The following CLEC2D variants were observed in gnomAD, a reference collection of about 807,000 sequenced individuals.
The protein encoded by CLEC2D is C-type lectin related f.
Under a neutral mutation model 20.0 loss-of-function variants are expected in CLEC2D, and 16 were observed. That is an observed-to-expected ratio of 0.80 (90% CI 0.54 to 1.22). The LOEUF (loss-of-function observed/expected upper bound fraction) is 1.22. Ranked by LOEUF, CLEC2D falls within the 50% of genes most tolerant of loss-of-function variation. CLEC2D has a pLI of 0.00. For synonymous variants in CLEC2D, 77 were observed against 71.1 expected (o/e 1.08, Z -0.42); for missense variants, 207 against 221.5 (o/e 0.93, Z 0.42).
intron 1 of CLEC2D, among the ~76,000 whole-genome samples, chr12:9,670,373 A>G (rs973950702): frequency 1.3e-5 from 2 of 152,190 alleles, no homozygotes; most frequent in Non-Finnish European, 2.9e-5. Flanking sequence ...ATAACTTAGG[A>G]CTTAAAAGTT....
chr12:9,693,168 A>G, intron 4 of CLEC2D: 1 of 1,286,070 alleles, frequency 7.8e-7, no homozygotes, highest in Non-Finnish European at 1.1e-6. Flanking sequence ...GTCATTTTCA[A>G]ACACTTTCAT....
rs925054806 is a variant in CLEC2D, at chr12:9,680,978, T to C, written c.117T>C (p.Phe39=). The C allele has an allele frequency of 6.2e-7, 1 of 1,606,920 alleles. No individual in the cohort carries two copies. Among genetic ancestry groups the C allele is most frequent in the Non-Finnish European group, 8.5e-7 (1 of 1,174,616 alleles). Residue 39 remains phenylalanine (F), a synonymous_variant, in exon 2 of 5, where the codon TTT becomes TTC. Coordinates refer to ENST00000290855, the MANE Select transcript of CLEC2D (RefSeq NM_013269.6). ...AAGCTACCTTAATTTGGCGCTTATT[T>C]TTCTTAATCATGTTTCTGACAATCA... ...SIKATLIWRL[F]FLIMFLTIIV...
At chr12:9,690,995 A>ACAAGACT (rs1449312635) in intron 3 of CLEC2D, among the ~76,000 whole-genome samples, 1 of 152,086 alleles carries the variant, frequency 6.6e-6, no homozygotes, top group Non-Finnish European at 1.5e-5. Flanking sequence ...AAAAAGAAAA[A>ACAAGACT]CAAGACTCAT....
In CLEC2D at chr12:9,695,639, C is replaced by T. The variant is rs1327534843; in HGVS notation, c.*765C>T. On this transcript the variant is annotated 3_prime_UTR_variant, in exon 5 of 5. Transcript: ENST00000290855. ...ACTTTGAAAATGTCTGTACAGCCAA[C>T]GGTTTCTCTTGGGGGCTTTGAAATA... 2.2e-5 allele frequency: 34 copies of T among 1,571,586 alleles called. No homozygotes were observed. Among genetic ancestry groups the T allele is most frequent in the Admixed American group, 5.0e-5 (3 of 59,788 alleles).
intron 2 of CLEC2D, among the ~76,000 whole-genome samples, chr12:9,683,987 T>C (rs775321535): frequency 6.6e-6 from 1 of 152,222 alleles, no homozygotes; most frequent in Non-Finnish European, 1.5e-5. Flanking sequence ...TTTCATAATA[T>C]TGATTCTTCC....
At chr12:9,670,338 C>T (rs1865389830) in intron 1 of CLEC2D, among the ~76,000 whole-genome samples, 1 of 151,964 alleles carries the variant, frequency 6.6e-6, no homozygotes, top group Admixed American at 6.6e-5. Context: ...TGACTTTTGC[C>T]ACAGTTAGGG....
At position 9,697,071 on chromosome 12, in the gene CLEC2D, C is replaced by T. The variant is rs1010678719; in HGVS notation, c.*2197C>T. ...TATATATAAAAAATAGAATATTATTCAGCCTTGTAAAAAGAAATCCTGTTA... is the reference window on the plus strand; with the variant it reads ...TATATATAAAAAATAGAATATTATTTAGCCTTGTAAAAAGAAATCCTGTTA... On this transcript the variant is annotated 3_prime_UTR_variant, in exon 5 of 5. Transcript: ENST00000290855. The T allele has an allele frequency of 6.6e-6, 1 of 151,730 alleles. No homozygotes were observed. Among genetic ancestry groups the T allele is most frequent in the African/African-American group, 2.4e-5 (1 of 41,276 alleles). The allele number at this position is 151,730 out of a possible 1,614,324, so 9.4% of individuals were successfully genotyped here.
intron 2 of CLEC2D, among the ~76,000 whole-genome samples, chr12:9,685,898 G>A (rs1355977540): frequency 6.6e-6 from 1 of 152,094 alleles, no homozygotes; most frequent in East Asian, 1.9e-4. Context: ...CTCCACTGGG[G>A]TATGAAAAAA....
At chr12:9,686,054 T>C (rs1865741433) in intron 2 of CLEC2D, among the ~76,000 whole-genome samples, 1 of 151,924 alleles carries the variant, frequency 6.6e-6, no homozygotes, top group South Asian at 2.1e-4. Context: ...CTGGGCCAGA[T>C]AGCACCTCAC....
At chr12:9,681,059 TC>T (rs1865625857) in intron 2 of CLEC2D, 26 bp downstream of exon 2, 1 of 1,148,414 alleles carries the variant, frequency 8.7e-7, no homozygotes, top group Non-Finnish European at 1.3e-6. Context: ...TCTTTATTCA[TC>T]TAGAGAGAAT....
intron 1 of CLEC2D, among the ~76,000 whole-genome samples, chr12:9,676,959 G>A (rs1865529610): frequency 6.6e-6 from 1 of 151,932 alleles, no homozygotes; most frequent in Non-Finnish European, 1.5e-5. Context: ...GGGATCTGTA[G>A]TAACAACTCC....
At chr12:9,672,194 G>A (rs1341165213) in intron 1 of CLEC2D, among the ~76,000 whole-genome samples, 6 of 152,016 alleles carry the variant, frequency 3.9e-5, no homozygotes, top group Non-Finnish European at 7.4e-5. Context: ...AGAGCAAGAG[G>A]CACCAAACTT....
chr12:9,687,951 A>G lies in CLEC2D; in HGVS notation c.222A>G (p.Ala74=). 1 of 1,611,532 alleles carries G rather than the reference A, an allele frequency of 6.2e-7. No individual in the cohort carries two copies. Among genetic ancestry groups the G allele is most frequent in the Non-Finnish European group, 8.5e-7 (1 of 1,178,716 alleles). ...HQEPSVCLQA[A]CPESWIGFQR... ...AGCCATCAGTATGTCTTCAAGCTGCATGCCCAGAAAGCTGGATTGGTTTTC... is the reference window on the plus strand; with the variant it reads ...AGCCATCAGTATGTCTTCAAGCTGCGTGCCCAGAAAGCTGGATTGGTTTTC... Residue 74 remains alanine (A), a synonymous_variant, in exon 3 of 5, where the codon GCA becomes GCG. Transcript: ENST00000290855.
chr12:9,689,436 A>G (rs1865819142), intron 3 of CLEC2D, among the ~76,000 whole-genome samples: 1 of 152,326 alleles, frequency 6.6e-6, no homozygotes, highest in South Asian at 2.1e-4. Flanking sequence ...TTCTCAAAAA[A>G]AAATTACAAA....
At chr12:9,682,444 G>A (rs896456820) in intron 2 of CLEC2D, among the ~76,000 whole-genome samples, 1 of 151,958 alleles carries the variant, frequency 6.6e-6, no homozygotes, top group Non-Finnish European at 1.5e-5. Flanking sequence ...AGGTATACAC[G>A]TGCCATGGTG....
chr12:9,677,056 T>A (rs966430650), intron 1 of CLEC2D, among the ~76,000 whole-genome samples: 2 of 147,396 alleles, frequency 1.4e-5, no homozygotes, highest in African/African-American at 5.0e-5. Flanking sequence ...TTTTTTTTTT[T>A]AATCTTTCAA....
In CLEC2D at chr12:9,680,970, C is replaced by G. The variant is rs769100213; in HGVS notation, c.109C>G (p.Arg37Gly). 2 of 1,607,142 alleles carry G rather than the reference C, an allele frequency of 1.2e-6. No individual in the cohort carries two copies. The highest frequency in any genetic ancestry group is 4.5e-5 in the East Asian group (2 of 44,724). Residue 37 changes from arginine to glycine, a missense_variant, in exon 2 of 5, where the codon CGC (arginine) becomes GGC (glycine). Transcript: ENST00000290855. ...EHSIKATLIW[R>G]LFFLIMFLTI... ...TTCTATTAAAGCTACCTTAATTTGG[C>G]GCTTATTTTTCTTAATCATGTTTCT...
chr12:9,686,033 A>T (rs1441121450), intron 2 of CLEC2D, among the ~76,000 whole-genome samples: 1 of 151,944 alleles, frequency 6.6e-6, no homozygotes, highest in East Asian at 1.9e-4. Context: ...ACCGTGGGAA[A>T]AGCGTAGTAT....
At chr12:9,670,502 G>T (rs1314957038) in intron 1 of CLEC2D, among the ~76,000 whole-genome samples, 1 of 152,100 alleles carries the variant, frequency 6.6e-6, no homozygotes, top group Non-Finnish European at 1.5e-5. Context: ...CATTCATTGG[G>T]TATTTTGAGC....
Sources: gnomAD v4.1 joint callset for allele counts (sites outside exome capture counted in the v4.1 genomes callset) on GRCh38, gnomAD v4.1.1 for gene constraint, MANE v1.5 for transcripts, NCBI Gene and HGNC (gene_info 2026-07-23, HGNC 2026-07-21) for gene names.